Variants in KCNK10 observed in about 807,000 individuals in gnomAD.
The protein encoded by KCNK10 is potassium two pore domain channel subfamily K member 10.
Under a neutral mutation model 47.7 loss-of-function variants are expected in KCNK10, and 25 were observed. The observed-to-expected ratio is 0.52, with a 90% CI of 0.38 to 0.73. The LOEUF is 0.73. KCNK10 is among the 30% of genes least tolerant of loss of function. KCNK10 has a pLI of 0.00. For synonymous variants in KCNK10, 303 were observed against 285.6 expected, an observed-to-expected ratio of 1.06 and a Z score of -0.61; for missense variants, 563 against 714.5, an observed-to-expected ratio of 0.79 and a Z score of 2.42.
intron 1 of KCNK10, among the ~76,000 whole-genome samples, chr14:88,289,537 T>C (rs1310027664): frequency 6.6e-6 from 1 of 152,236 alleles, no homozygotes; most frequent in Non-Finnish European, 1.5e-5. Flanking sequence ...CTCTGGGAGC[T>C]CTGCCCACTG....
intron 4 of KCNK10, among the ~76,000 whole-genome samples, chr14:88,226,823 G>A (rs1886002350): frequency 6.6e-6 from 1 of 152,208 alleles, no homozygotes; most frequent in Non-Finnish European, 1.5e-5. Context: ...CAACAGTTCA[G>A]TAGGAAGTAG....
rs1050853807 is a variant in KCNK10 at position 88,188,084 on chromosome 14, C to G, written c.894G>C (p.Arg298=). The G allele has an allele frequency of 2.5e-6, 4 of 1,614,182 alleles. No homozygotes were observed. The highest frequency in any genetic ancestry group is 3.4e-6 in the Non-Finnish European group (4 of 1,180,020). Residue 298 remains arginine (R), a synonymous_variant, in exon 6 of 7, where the codon CGG becomes CGC. Transcript: ENST00000319231. Reference sequence around the variant, plus strand: ...ACCACACTAGGGGCTTATACCACTCCCGATAATTGATGCCAGCGTTTCCCC... The same window carrying G: ...ACCACACTAGGGGCTTATACCACTCGCGATAATTGATGCCAGCGTTTCCCC... ...VAGGNAGINY[R]EWYKPLVWFW...
At chr14:88,197,964 T>G (rs1248498362) in intron 4 of KCNK10, among the ~76,000 whole-genome samples, 4 of 152,188 alleles carry the variant, frequency 2.6e-5, no homozygotes, top group Non-Finnish European at 2.9e-5. Context: ...TCTGAGCCTT[T>G]GTCTGAAAAG....
intron 1 of KCNK10, among the ~76,000 whole-genome samples, chr14:88,297,021 C>T (rs1177388451): frequency 6.6e-6 from 1 of 152,100 alleles, no homozygotes; most frequent in Non-Finnish European, 1.5e-5. Context: ...TTCAAAAATG[C>T]ATCTAAGAAT....
At chr14:88,317,834 T>G (rs1178592025) in intron 1 of KCNK10, among the ~76,000 whole-genome samples, 2 of 152,208 alleles carry the variant, frequency 1.3e-5, no homozygotes, top group Non-Finnish European at 2.9e-5. Context: ...TCCAGAATTT[T>G]GCATTAAAGT....
intron 1 of KCNK10, among the ~76,000 whole-genome samples, chr14:88,312,074 A>G (rs1273617591): frequency 1.3e-5 from 2 of 152,024 alleles, no homozygotes; most frequent in Non-Finnish European, 2.9e-5. Flanking sequence ...GCAGTAAGTG[A>G]CATATTCAAC....
chr14:88,325,452 G>A (rs1888640541), upstream of KCNK10, among the ~76,000 whole-genome samples: 2 of 152,188 alleles, frequency 1.3e-5, no homozygotes, highest in Non-Finnish European at 2.9e-5. Flanking sequence ...TGCAGAAGCT[G>A]TAACTGGCCT....
At chr14:88,245,915 C>T (rs1456176867) in intron 2 of KCNK10, among the ~76,000 whole-genome samples, 1 of 152,134 alleles carries the variant, frequency 6.6e-6, no homozygotes, top group Non-Finnish European at 1.5e-5. Flanking sequence ...GTTTGTCTCT[C>T]GAGAAAGGAC....
intron 2 of KCNK10, among the ~76,000 whole-genome samples, chr14:88,248,938 T>C (rs1441428148): frequency 1.3e-5 from 2 of 152,166 alleles, no homozygotes; most frequent in Non-Finnish European, 2.9e-5. Flanking sequence ...TATTATCCTA[T>C]TTAGTCCTCA....
chr14:88,270,551 T>C (rs1228635148), intron 1 of KCNK10, among the ~76,000 whole-genome samples: 5 of 152,106 alleles, frequency 3.3e-5, no homozygotes, highest in Non-Finnish European at 7.4e-5. Flanking sequence ...CCTGCTGTCT[T>C]CAAAATTTCA....
At chr14:88,275,976 G>A (rs1018979687) in intron 1 of KCNK10, among the ~76,000 whole-genome samples, 1 of 152,158 alleles carries the variant, frequency 6.6e-6, no homozygotes. Context: ...GAAGCTAAAG[G>A]ACAGGTGCAC....
chr14:88,235,689 A>AT (rs2139883590), intron 3 of KCNK10, among the ~76,000 whole-genome samples: 1 of 152,312 alleles, frequency 6.6e-6, no homozygotes, highest in African/African-American at 2.4e-5. Context: ...TGAAAACTAG[A>AT]TTTTAAGAGT....
chr14:88,280,629 T>C (rs1438087859), intron 1 of KCNK10, among the ~76,000 whole-genome samples: 6 of 152,184 alleles, frequency 3.9e-5, no homozygotes, highest in East Asian at 1.9e-4. Context: ...CCCCGAATGA[T>C]AGTAATGTTC....
At chr14:88,326,471 C>A (rs777108266), upstream of KCNK10, 2 of 1,611,790 alleles carry the variant, frequency 1.2e-6, no homozygotes, top group South Asian at 2.2e-5. Context: ...AAAGATGCCG[C>A]TCCAAGCGGT....
At chr14:88,294,404 A>G (rs1423370265) in intron 1 of KCNK10, among the ~76,000 whole-genome samples, 4 of 152,274 alleles carry the variant, frequency 2.6e-5, no homozygotes, top group African/African-American at 9.6e-5. Context: ...AGCAATGCAA[A>G]GAAGACGAAT....
At chr14:88,323,892 A>G (rs1006396443), upstream of KCNK10, among the ~76,000 whole-genome samples, 1 of 152,066 alleles carries the variant, frequency 6.6e-6, no homozygotes, top group African/African-American at 2.4e-5. Flanking sequence ...CTGAGTCCCG[A>G]ACCCACGTCC....
chr14:88,218,873 C>T lies in KCNK10; in HGVS notation c.681+8502G>A, dbSNP rs190338036. Among the ~76,000 whole-genome samples the T allele has an allele frequency of 1.6e-4, 24 of 152,306 alleles. No individual in the cohort carries two copies. In the South Asian group the frequency reaches 2.5e-3, roughly 16 times the overall value. Reference sequence around the variant, plus strand: ...CCCAAATAAGCAGATATTTGGGATGCTAACTGCCCAGATATTTCCCTGGGA... The same window carrying T: ...CCCAAATAAGCAGATATTTGGGATGTTAACTGCCCAGATATTTCCCTGGGA... On this transcript the variant is annotated intron_variant, in intron 4 of 6. Coordinates refer to ENST00000319231, the MANE Select transcript of KCNK10 (RefSeq NM_138317.3).
intron 1 of KCNK10, among the ~76,000 whole-genome samples, chr14:88,315,933 G>T (rs1888423393): frequency 1.3e-5 from 2 of 152,100 alleles, no homozygotes; most frequent in African/African-American, 4.8e-5. Context: ...TGAAGGAAAA[G>T]TTCCCTGTGA....
chr14:88,319,173 T>C (rs775930976), intron 1 of KCNK10, among the ~76,000 whole-genome samples: 14 of 152,210 alleles, frequency 9.2e-5, no homozygotes, highest in Non-Finnish European at 1.8e-4. Flanking sequence ...AACCATTTTA[T>C]ATTTGGGTCT....
Sources: gnomAD v4.1 joint callset for allele counts (sites outside exome capture counted in the v4.1 genomes callset) on GRCh38, gnomAD v4.1.1 for gene constraint, MANE v1.5 for transcripts, NCBI Gene and HGNC (gene_info 2026-07-23, HGNC 2026-07-21) for gene names.